The following HPD variants were observed in gnomAD, a reference collection of about 807,000 sequenced individuals.
HPD encodes 4-hydroxyphenylpyruvate dioxygenase.
Under a neutral mutation model 56.9 loss-of-function variants are expected in HPD, and 35 were observed. The ratio of observed to expected loss-of-function variants is 0.62; its 90% CI spans 0.47 to 0.82. HPD has a LOEUF of 0.82. HPD is among the 40% of genes least tolerant of loss of function. The pLI is 0.00. For synonymous variants in HPD, 186 were observed against 200.2 expected (o/e 0.93, Z 0.60); for missense variants, 442 against 506.8 (o/e 0.87, Z 1.23).
At chr12:121,856,465 C>G (rs1396476222) in intron 5 of HPD, 59 bp from the exon 6 acceptor site, 3 of 1,596,452 alleles carry the variant, frequency 1.9e-6, no homozygotes, top group African/African-American at 2.7e-5. Context: ...CCTCACCTGG[C>G]TTTTAGTCTC....
At chr12:121,840,707 T>C (rs1877378180) in intron 12 of HPD, among the ~76,000 whole-genome samples, 1 of 151,994 alleles carries the variant, frequency 6.6e-6, no homozygotes, top group African/African-American at 2.4e-5. Flanking sequence ...GTGCAACCAC[T>C]TTGGAAAACA....
rs1325909381 is a variant in HPD, at chr12:121,849,027, C to T, written c.568G>A (p.Asp190Asn). 3 of 1,613,778 alleles carry T rather than the reference C, an allele frequency of 1.9e-6. No homozygotes were observed. Among genetic ancestry groups the T allele is most frequent in the Non-Finnish European group, 2.5e-6 (3 of 1,179,928 alleles). Residue 190 changes from aspartate (D) to asparagine (N), a missense_variant, in exon 9 of 14, where the codon GAT becomes AAT. Asp to Asn is a conservative substitution (Grantham distance 23). Transcript: ENST00000289004. The stretch of plus-strand genomic sequence containing the variant: ...TCGGAGGCGGACACCATCTCCTGAT[C>T]AGGCTGGTTTCCCACAATGTGGTCG... ...MIDHIVGNQP[D>N]QEMVSASEWY...
chr12:121,883,180 T>TTG, the HPD span, among the ~76,000 whole-genome samples: 2,510 of 115,392 alleles, frequency 0.022, 29 homozygotes, highest in East Asian at 0.039. Context: ...GGAGCATAAG[T>TTG]TGTGTGTGTG....
the HPD span, among the ~76,000 whole-genome samples, chr12:121,884,169 CTCTTTT>C: frequency 8.9e-6 from 1 of 112,248 alleles, no homozygotes; most frequent in Non-Finnish European, 1.7e-5. Context: ...CTCTTTTCCT[CTCTTTT>C]TTTTTTTTTT....
At chr12:121,877,963 T>C in the HPD span, among the ~76,000 whole-genome samples, 1 of 152,174 alleles carries the variant, frequency 6.6e-6, no homozygotes, top group Non-Finnish European at 1.5e-5. Context: ...GTATGAAATA[T>C]CCAGAATAGG....
chr12:121,856,223 C>T, intron 6 of HPD, 101 bp downstream of exon 6: 1 of 892,058 alleles, frequency 1.1e-6, no homozygotes, highest in Non-Finnish European at 1.9e-6. Flanking sequence ...GGCATCTGGG[C>T]TTGTCACTGT....
At position 121,839,714 on chromosome 12, in the gene HPD, G is replaced by A. The variant is rs1437413705; in HGVS notation, c.*14C>T. 6.3e-7 allele frequency: 1 copy of A among 1,580,232 alleles called. No homozygotes were observed. The highest frequency in any genetic ancestry group is 1.3e-5 in the African/African-American group (1 of 74,240). On this transcript the variant is annotated 3_prime_UTR_variant, in exon 14 of 14. Coordinates refer to ENST00000289004, the MANE Select transcript of HPD (RefSeq NM_002150.3). ...GTGGCTGTGTGGCTGTGGCCTCCGTGGGGTGGGCGGGGCTTACATGCCGGG... is the reference window on the plus strand; with the variant it reads ...GTGGCTGTGTGGCTGTGGCCTCCGTAGGGTGGGCGGGGCTTACATGCCGGG...
chr12:121,856,121 G>T lies in HPD; in HGVS notation c.324+203C>A, dbSNP rs1478123632. Reference sequence around the variant, plus strand: ...AAGGCAGGGCACCCCCGGAGCCCAGGTGTGTGTCACACCAGCATCTGGGCT... The same window carrying T: ...AAGGCAGGGCACCCCCGGAGCCCAGTTGTGTGTCACACCAGCATCTGGGCT... On this transcript the variant is annotated intron_variant, in intron 6 of 13. Coordinates refer to ENST00000289004, the MANE Select transcript of HPD (RefSeq NM_002150.3). 4.6e-6 allele frequency: 3 copies of T among 654,454 alleles called. No individual in the cohort carries two copies. The Admixed American group carries it at 6.3e-5, about 14-fold the overall frequency. 40.5% of individuals were successfully genotyped at this position (654,454 alleles called of 1,614,324 possible).
upstream of HPD, among the ~76,000 whole-genome samples, chr12:121,865,242 T>C (rs1458021777): frequency 1.4e-5 from 2 of 147,612 alleles, no homozygotes; most frequent in Admixed American, 1.4e-4. Flanking sequence ...CACTCTAACC[T>C]GGGCGACACA....
At chr12:121,870,351 G>C in the HPD span, among the ~76,000 whole-genome samples, 1 of 151,754 alleles carries the variant, frequency 6.6e-6, no homozygotes, top group Non-Finnish European at 1.5e-5. Context: ...TTAGAAGATG[G>C]AGGCTTACTA....
rs753636087 is a variant in HPD at position 121,856,414 on chromosome 12, C to T, written c.242-8G>A. 2.7e-5 allele frequency: 44 copies of T among 1,613,686 alleles called. No individual in the cohort carries two copies. Among genetic ancestry groups the T allele is most frequent in the African/African-American group, 5.3e-5 (4 of 74,896 alleles). On this transcript the variant is annotated splice_polypyrimidine_tract_variant and splice_region_variant and intron_variant, in intron 5 of 13. Transcript: ENST00000289004. ...CCAGGTGATCGCCCATCTCTGTGGCCGGCAGGGAGAGGATGGCACTGGAGT... is the reference window on the plus strand; with the variant it reads ...CCAGGTGATCGCCCATCTCTGTGGCTGGCAGGGAGAGGATGGCACTGGAGT...
the HPD span, among the ~76,000 whole-genome samples, chr12:121,885,634 A>G: frequency 1.3e-5 from 2 of 152,002 alleles, no homozygotes; most frequent in East Asian, 1.9e-4. Flanking sequence ...ATTTTCAGAT[A>G]TCAAGGGTGG....
chr12:121,881,938 G>A, the HPD span, among the ~76,000 whole-genome samples: 5 of 148,566 alleles, frequency 3.4e-5, no homozygotes, highest in South Asian at 2.2e-4. Flanking sequence ...GAGCCACCGC[G>A]CCCAACCTAA....
chr12:121,867,715 T>C (rs1472605969), upstream of HPD, among the ~76,000 whole-genome samples: 1 of 152,124 alleles, frequency 6.6e-6, no homozygotes, highest in Non-Finnish European at 1.5e-5. Context: ...GGTTTTGCCA[T>C]GTTGGCTCGG....
At chr12:121,859,976 G>C (rs765900893), upstream of HPD, among the ~76,000 whole-genome samples, 2 of 152,160 alleles carry the variant, frequency 1.3e-5, no homozygotes, top group South Asian at 2.1e-4. Context: ...CTGGCAACAT[G>C]GTAAAACCTC....
intron 9 of HPD, among the ~76,000 whole-genome samples, chr12:121,848,177 C>T (rs1280788846): frequency 6.6e-6 from 1 of 152,126 alleles, no homozygotes; most frequent in Non-Finnish European, 1.5e-5. Flanking sequence ...GAAGGAGGGC[C>T]TGTGGGTCGC....
rs200528285 is a variant in HPD at position 121,854,811 on chromosome 12, C to T, written c.325-19G>A. On this transcript the variant is annotated intron_variant, in intron 6 of 13. Coordinates refer to ENST00000289004, the MANE Select transcript of HPD (RefSeq NM_002150.3). The stretch of plus-strand genomic sequence containing the variant: ...GTGCTTTCTGCAGAGAAGATGGGAT[C>T]GGGGAATTGGTGAGGGCTGGAGCCT... 8 of 1,598,200 alleles carry T rather than the reference C, an allele frequency of 5.0e-6. No homozygotes were observed. Among genetic ancestry groups the T allele is most frequent in the Middle Eastern group, 1.7e-4 (1 of 6,048 alleles).
At chr12:121,857,517 A>G (rs1490698294) in intron 3 of HPD, 85 bp from the exon 4 acceptor site, 1 of 1,093,486 alleles carries the variant, frequency 9.1e-7, no homozygotes, top group African/African-American at 1.5e-5. Context: ...GGCCCCCCTC[A>G]GCCTGCCTGC....
At position 121,843,784 on chromosome 12, in the gene HPD, T is replaced by C. The variant is rs777465411; in HGVS notation, c.880A>G (p.Thr294Ala). The C allele has an allele frequency of 8.1e-6, 13 of 1,613,974 alleles. No homozygotes were observed. In the Admixed American group the frequency reaches 2.0e-4, roughly 25 times the overall value. Residue 294 changes from threonine (T) to alanine (A), a missense_variant, in exon 12 of 14, where the codon ACG becomes GCG. Transcript: ENST00000289004. ...RGLEFLSVPSTYYKQLREKLK... is the reference protein window; with the variant it reads ...RGLEFLSVPSAYYKQLREKLK... ...TTCTCCCGCAGTTGTTTGTAGTACGTGGAGGGAACAGATAAGAACTCCAGG... is the reference window on the plus strand; with the variant it reads ...TTCTCCCGCAGTTGTTTGTAGTACGCGGAGGGAACAGATAAGAACTCCAGG...
Sources: gnomAD v4.1 joint callset for allele counts (sites outside exome capture counted in the v4.1 genomes callset) on GRCh38, gnomAD v4.1.1 for gene constraint, MANE v1.5 for transcripts, NCBI Gene and HGNC (gene_info 2026-07-23, HGNC 2026-07-21) for gene names.